The following MRPS6 variants were observed in gnomAD, a reference collection of about 807,000 sequenced individuals.
MRPS6 encodes mitochondrial ribosomal protein S6.
A neutral mutation model predicts 13.1 loss-of-function variants in MRPS6; 6 were observed. That is an observed-to-expected ratio of 0.46 (90% CI 0.25 to 0.91). MRPS6 has a LOEUF of 0.91. MRPS6 is among the 40% of genes least tolerant of loss of function. The pLI, the probability that MRPS6 is intolerant of heterozygous loss-of-function variation, is 0.18. For missense variants in MRPS6, 164 were observed against 155.6 expected (o/e 1.05, Z -0.29); for synonymous variants, 61 against 56.5 (o/e 1.08, Z -0.36).
At chr21:34,118,886 A>G (rs1444972794) in intron 1 of MRPS6, among the ~76,000 whole-genome samples, 1 of 152,136 alleles carries the variant, frequency 6.6e-6, no homozygotes, top group Non-Finnish European at 1.5e-5. Flanking sequence ...TTAAATTTTA[A>G]TAAGTGTTTT....
At position 34,116,007 on chromosome 21, in the gene MRPS6, A is replaced by T. The variant is rs1180925996; in HGVS notation, c.46-9334A>T. Among the ~76,000 whole-genome samples the T allele has an allele frequency of 2.7e-5, 4 of 150,938 alleles. No homozygotes were observed. In the East Asian group the frequency reaches 7.8e-4, roughly 29 times the overall value. ...AATGTTTTTATGCCAGTATGTAAGGATCATACCCCATCCCAACCCCGACAG... is the reference window on the plus strand; with the variant it reads ...AATGTTTTTATGCCAGTATGTAAGGTTCATACCCCATCCCAACCCCGACAG... On this transcript the variant is annotated intron_variant, in intron 1 of 2. Transcript: ENST00000399312.
At chr21:34,109,671 C>T (rs1182666316) in intron 1 of MRPS6, among the ~76,000 whole-genome samples, 2 of 152,068 alleles carry the variant, frequency 1.3e-5, no homozygotes, top group African/African-American at 4.8e-5. Flanking sequence ...GTCACTTCAC[C>T]CCCACTTCCC....
intron 2 of MRPS6, among the ~76,000 whole-genome samples, chr21:34,125,982 C>T (rs1003075059): frequency 4.6e-5 from 7 of 152,216 alleles, no homozygotes; most frequent in African/African-American, 1.7e-4. Flanking sequence ...ACAGCAGCTT[C>T]CTCAAATACA....
chr21:34,104,342 TCTA>T, intron 1 of MRPS6: 1 of 1,000,112 alleles, frequency 1.0e-6, no homozygotes. Flanking sequence ...CGTATGTTCT[TCTA>T]CTCAGCATTG....
At chr21:34,078,330 G>T (rs1318354928) in intron 1 of MRPS6, among the ~76,000 whole-genome samples, 1 of 152,080 alleles carries the variant, frequency 6.6e-6, no homozygotes, top group East Asian at 1.9e-4. Context: ...GCTTATTGCC[G>T]CAGCAAGCTA....
intron 2 of MRPS6, among the ~76,000 whole-genome samples, chr21:34,137,215 A>G (rs1003273755): frequency 3.3e-5 from 5 of 152,210 alleles, no homozygotes; most frequent in Admixed American, 6.5e-5. Flanking sequence ...CTGAATGTCA[A>G]TAGATTTTAT....
At chr21:34,124,201 T>G (rs951734291) in intron 1 of MRPS6, 1 of 152,228 alleles carries the variant, frequency 6.6e-6, no homozygotes, top group African/African-American at 2.4e-5. Flanking sequence ...TCAGCGTGTC[T>G]TAAACCAGAT....
intron 1 of MRPS6, chr21:34,098,370 C>G (rs1009653144): frequency 2.0e-6 from 2 of 1,000,220 alleles, no homozygotes; most frequent in Non-Finnish European, 2.4e-6. Flanking sequence ...CTGGATTGCT[C>G]TACTTGATTA....
At chr21:34,113,096 T>C (rs971878726) in intron 1 of MRPS6, among the ~76,000 whole-genome samples, 1 of 152,142 alleles carries the variant, frequency 6.6e-6, no homozygotes, top group Non-Finnish European at 1.5e-5. Flanking sequence ...ATACAAATGT[T>C]GACGAGGATA....
chr21:34,125,303 CT>C lies in MRPS6; in HGVS notation c.46-30del, dbSNP rs746372079. 1.6e-5 allele frequency: 25 copies of C among 1,601,962 alleles called. 1 individual carries two copies. The highest frequency in any genetic ancestry group is 1.2e-4 in the South Asian group (11 of 88,990). On this transcript the variant is annotated intron_variant, in intron 1 of 2. Transcript: ENST00000399312. ...TCTAGCTCTTATATTAATTCTGATGCTTTTTTTTCTTTTCTTTAAAAACACA... is the reference window on the plus strand; with the variant it reads ...TCTAGCTCTTATATTAATTCTGATGCTTTTTTTCTTTTCTTTAAAAACACA...
chr21:34,099,784 G>A (rs1002257983), intron 1 of MRPS6: 6 of 812,244 alleles, frequency 7.4e-6, no homozygotes, highest in Non-Finnish European at 9.1e-6. Context: ...ATGACTATTA[G>A]CATATTCATT....
chr21:34,106,773 A>G (rs910696876), intron 1 of MRPS6, among the ~76,000 whole-genome samples: 1 of 152,228 alleles, frequency 6.6e-6, no homozygotes, highest in African/African-American at 2.4e-5. Context: ...AGTGATTTTG[A>G]ATCAAAAGAC....
intron 1 of MRPS6, chr21:34,104,768 T>C (rs1482434589): frequency 1.1e-5 from 11 of 999,242 alleles, no homozygotes; most frequent in African/African-American, 1.7e-5. Context: ...CTTAGCAACA[T>C]GTGATAATGC....
At chr21:34,075,575 A>G (rs555259336) in intron 1 of MRPS6, among the ~76,000 whole-genome samples, 1 of 152,244 alleles carries the variant, frequency 6.6e-6, no homozygotes, top group Admixed American at 6.5e-5. Context: ...TAGAAAGTAG[A>G]TAATAAAGGT....
intron 1 of MRPS6, chr21:34,103,949 G>T: frequency 2.0e-6 from 2 of 1,000,112 alleles, no homozygotes; most frequent in Non-Finnish European, 2.4e-6. Context: ...ACATATTTCT[G>T]TTTTAAGCTG....
intron 1 of MRPS6, among the ~76,000 whole-genome samples, chr21:34,113,488 CAT>C (rs1160623390): frequency 2.0e-5 from 3 of 152,190 alleles, no homozygotes; most frequent in Non-Finnish European, 4.4e-5. Context: ...TGATTTCCCT[CAT>C]ATGTGGCATC....
chr21:34,104,900 A>G (rs1218308567), intron 1 of MRPS6: 2 of 1,000,218 alleles, frequency 2.0e-6, no homozygotes, highest in Non-Finnish European at 2.4e-6. Context: ...TTTGGCAGAA[A>G]TGCCTTTCAT....
chr21:34,098,056 C>T, intron 1 of MRPS6: 1 of 999,400 alleles, frequency 1.0e-6, no homozygotes, highest in South Asian at 4.7e-5. Context: ...ACAAGTCTGC[C>T]TGTAAAGTTA....
At chr21:34,118,557 CTTT>C (rs373895797) in intron 1 of MRPS6, among the ~76,000 whole-genome samples, 2 of 133,148 alleles carry the variant, frequency 1.5e-5, no homozygotes, top group Non-Finnish European at 1.6e-5. Flanking sequence ...TTCTTTCTTT[CTTT>C]TTTTTTTTTT....
Sources: gnomAD v4.1 joint callset for allele counts (sites outside exome capture counted in the v4.1 genomes callset) on GRCh38, gnomAD v4.1.1 for gene constraint, MANE v1.5 for transcripts, NCBI Gene and HGNC (gene_info 2026-07-23, HGNC 2026-07-21) for gene names.